NRXN1: variants seen among roughly 807,000 people sequenced by gnomAD.
NRXN1 encodes the protein neurexin-1.
Under a neutral mutation model 150.9 loss-of-function variants are expected in NRXN1, and 39 were observed. The observed-to-expected ratio is 0.26, with a 90% CI of 0.20 to 0.34. NRXN1 has a LOEUF of 0.34. Among genes scored for constraint, NRXN1 ranks in the 10% least tolerant of loss-of-function variants. The pLI, the probability that NRXN1 is intolerant of heterozygous loss-of-function variation, is 1.00. For missense variants in NRXN1, 1,815 were observed against 1,949.9 expected, an observed-to-expected ratio of 0.93 and a Z score of 1.30; for synonymous variants, 924 against 757.0, an observed-to-expected ratio of 1.22 and a Z score of -3.62.
intron 17 of NRXN1, among the ~76,000 whole-genome samples, chr2:50,434,573 G>A (rs1235248184): frequency 6.6e-6 from 1 of 152,144 alleles, no homozygotes; most frequent in Non-Finnish European, 1.5e-5. Context: ...CTACAAGCTG[G>A]ACGCCAGACT....
chr2:50,725,620 G>C (rs535065365), intron 5 of NRXN1, among the ~76,000 whole-genome samples: 13 of 152,158 alleles, frequency 8.5e-5, no homozygotes, highest in African/African-American at 2.6e-4. Context: ...AACATAATCA[G>C]TTAAATGGTA....
At position 50,527,857 on chromosome 2, in the gene NRXN1, G is replaced by A. The variant is rs549802488; in HGVS notation, c.2374+768C>T. 2.1e-4 allele frequency among the ~76,000 whole-genome samples: 32 copies of A among 152,286 alleles called. 2 individuals carry two copies. In the South Asian group the frequency reaches 6.6e-3, roughly 32 times the overall value. On this transcript the variant is annotated intron_variant, in intron 12 of 22. Coordinates refer to ENST00000401669, the MANE Select transcript of NRXN1 (RefSeq NM_001330078.2). The stretch of plus-strand genomic sequence containing the variant: ...TTATTTAAATTGCTGATGACTTTGT[G>A]TTGTGATCATTGGAGATTTCTTAAT...
intron 21 of NRXN1, among the ~76,000 whole-genome samples, chr2:50,006,909 C>T (rs934038250): frequency 6.6e-6 from 1 of 152,100 alleles, no homozygotes; most frequent in Non-Finnish European, 1.5e-5. Flanking sequence ...AGCAATGAAA[C>T]AGGCTATCTC....
At chr2:50,451,844 T>C (rs1203688592) in intron 17 of NRXN1, among the ~76,000 whole-genome samples, 3 of 152,212 alleles carry the variant, frequency 2.0e-5, no homozygotes, top group African/African-American at 7.2e-5. Context: ...TGAGAAGAAA[T>C]ATATTTAACA....
At chr2:50,590,690 C>A (rs985368789) in intron 8 of NRXN1, among the ~76,000 whole-genome samples, 5 of 152,116 alleles carry the variant, frequency 3.3e-5, no homozygotes, top group African/African-American at 4.8e-5. Flanking sequence ...AGAGAGCTCC[C>A]TTACTTCTGC....
At chr2:50,019,720 G>A (rs1687224820) in intron 21 of NRXN1, among the ~76,000 whole-genome samples, 1 of 148,808 alleles carries the variant, frequency 6.7e-6, no homozygotes, top group Admixed American at 6.8e-5. Context: ...GCCTAGGCGG[G>A]CGGATCACGA....
intron 2 of NRXN1, among the ~76,000 whole-genome samples, chr2:50,983,644 T>C (rs1697195231): frequency 6.6e-6 from 1 of 152,108 alleles, no homozygotes; most frequent in Admixed American, 6.6e-5. Flanking sequence ...TTAGGGAACT[T>C]TTCTTATTTA....
intron 8 of NRXN1, among the ~76,000 whole-genome samples, chr2:50,555,463 G>A (rs979530642): frequency 5.9e-5 from 9 of 152,064 alleles, no homozygotes; most frequent in Admixed American, 5.2e-4. Flanking sequence ...AATAGAAGTA[G>A]GGATAATTCC....
At chr2:50,267,409 T>C (rs938633208) in intron 17 of NRXN1, among the ~76,000 whole-genome samples, 16 of 152,152 alleles carry the variant, frequency 1.1e-4, no homozygotes, top group African/African-American at 3.9e-4. Context: ...ATATATTTCT[T>C]CAAAGTAAGA....
At chr2:50,587,460 G>A (rs1029179083) in intron 8 of NRXN1, among the ~76,000 whole-genome samples, 1 of 151,028 alleles carries the variant, frequency 6.6e-6, no homozygotes, top group African/African-American at 2.4e-5. Context: ...ACTATAGCCT[G>A]GGTGACAAAG....
chr2:50,807,165 A>G (rs1667613887), intron 5 of NRXN1, among the ~76,000 whole-genome samples: 1 of 152,084 alleles, frequency 6.6e-6, no homozygotes, highest in African/African-American at 2.4e-5. Flanking sequence ...TATTTTCTTT[A>G]TCTATCTTTG....
At position 50,512,340 on chromosome 2, in the gene NRXN1, G is replaced by A. The variant is rs376318268; in HGVS notation, c.2375-5723C>T. Among the ~76,000 whole-genome samples the A allele has an allele frequency of 2.0e-4, 31 of 152,240 alleles. No individual in the cohort carries two copies. The East Asian group carries it at 4.6e-3, about 23-fold the overall frequency. ...TGAAGCCAGAGGACAATATTAATAC[G>A]TGCTAGAAAATGTGTTTATTATTTT... is the stretch of plus-strand genomic sequence containing the variant. On this transcript the variant is annotated intron_variant, in intron 12 of 22. Transcript: ENST00000401669.
intron 15 of NRXN1, among the ~76,000 whole-genome samples, chr2:50,491,764 A>T (rs2091268497): frequency 6.6e-6 from 1 of 152,178 alleles, no homozygotes; most frequent in South Asian, 2.1e-4. Context: ...CACAGCTAGG[A>T]ATCTTTAATT....
chr2:50,782,860 G>T (rs569084930), intron 5 of NRXN1, among the ~76,000 whole-genome samples: 74 of 152,292 alleles, frequency 4.9e-4, no homozygotes, highest in Non-Finnish European at 9.0e-4. Context: ...CAAAGAGAGA[G>T]AAAGACTAAT....
intron 5 of NRXN1, among the ~76,000 whole-genome samples, chr2:50,775,423 T>C (rs1703490442): frequency 6.6e-6 from 1 of 152,166 alleles, no homozygotes; most frequent in South Asian, 2.1e-4. Context: ...ATTTAGATTC[T>C]ATTCAAATGT....
intron 17 of NRXN1, among the ~76,000 whole-genome samples, chr2:50,311,978 G>T (rs1406376746): frequency 6.6e-6 from 1 of 152,120 alleles, no homozygotes; most frequent in Admixed American, 6.6e-5. Flanking sequence ...ACTGGGGAAT[G>T]AATGGCAAAA....
intron 5 of NRXN1, among the ~76,000 whole-genome samples, chr2:50,863,571 G>C (rs1471071598): frequency 1.3e-5 from 2 of 151,982 alleles, no homozygotes; most frequent in Admixed American, 6.6e-5. Flanking sequence ...GCCCTTTAAA[G>C]ATTAAGCTCT....
At chr2:50,762,465 T>C (rs1574389981) in intron 5 of NRXN1, among the ~76,000 whole-genome samples, 1 of 151,920 alleles carries the variant, frequency 6.6e-6, no homozygotes. Context: ...GCCCAGTAGA[T>C]AATTTTTTCA....
At chr2:50,681,531 C>G (rs1360253053) in intron 5 of NRXN1, among the ~76,000 whole-genome samples, 1 of 152,044 alleles carries the variant, frequency 6.6e-6, no homozygotes, top group South Asian at 2.1e-4. Context: ...AGTCCCAGGC[C>G]ATATAAAAGG....
Sources: allele counts gnomAD v4.1 joint callset (sites outside exome capture counted in the v4.1 genomes callset), GRCh38; gene constraint gnomAD v4.1.1; transcripts MANE v1.5; gene names NCBI Gene and HGNC (gene_info 2026-07-23, HGNC 2026-07-21).